FGF6: variants seen among roughly 807,000 people sequenced by gnomAD.
FGF6 encodes the protein fibroblast growth factor 6, also known as FGF-6.
In FGF6, 14 loss-of-function variants were observed where a neutral mutation model predicts 18.4. The observed-to-expected ratio is 0.76, with a 90% CI of 0.50 to 1.19. FGF6 has a LOEUF of 1.19. Ranked by LOEUF, FGF6 falls within the 50% of genes most tolerant of loss-of-function variation. The probability of loss-of-function intolerance (pLI) is 0.00; values close to 1 mark genes in which losing one functional copy is unlikely to be tolerated. For synonymous variants in FGF6, 125 were observed against 116.7 expected (o/e 1.07, Z -0.46); for missense variants, 266 against 271.6 (o/e 0.98, Z 0.15).
intron 2 of FGF6, among the ~76,000 whole-genome samples, chr12:4,441,161 G>C (rs1391927308): frequency 6.6e-6 from 1 of 152,204 alleles, no homozygotes; most frequent in Non-Finnish European, 1.5e-5. Context: ...GGAGATCCTT[G>C]ATATTTTGTT....
At chr12:4,440,094 G>T (rs951014511) in intron 2 of FGF6, among the ~76,000 whole-genome samples, 1 of 152,178 alleles carries the variant, frequency 6.6e-6, no homozygotes, top group Non-Finnish European at 1.5e-5. Context: ...TGAACGCCAT[G>T]TTCATAAAAG....
intron 1 of FGF6, 68 bp from the exon 2 acceptor site, chr12:4,444,304 A>G (rs1865730354): frequency 4.0e-6 from 4 of 998,770 alleles, no homozygotes; most frequent in Non-Finnish European, 6.3e-6. Context: ...TGAGCCGACA[A>G]GGGCATCTCA....
At chr12:4,444,280 T>G in intron 1 of FGF6, 44 bp from the exon 2 acceptor site, 1 of 1,374,424 alleles carries the variant, frequency 7.3e-7, no homozygotes, top group Non-Finnish European at 1.0e-6. Flanking sequence ...CTTGTGCAAA[T>G]CAGAGTGGGA....
Position 4,445,354 on chromosome 12 carries a change from T to A in FGF6, c.217A>T (p.Asn73Tyr). 1.9e-6 allele frequency: 3 copies of A among 1,614,018 alleles called. No individual in the cohort carries two copies. The highest frequency in any genetic ancestry group is 2.5e-6 in the Non-Finnish European group (3 of 1,180,018). Reference sequence around the variant, plus strand: ...CCCACCAAATAGCCACTTTCCCAGTTCACCCCGGCAATCTCTCCAGCTAGC... The same window carrying A: ...CCCACCAAATAGCCACTTTCCCAGTACACCCCGGCAATCTCTCCAGCTAGC... ...AGLAGEIAGV[N>Y]WESGYLVGIK... Residue 73 changes from asparagine (N) to tyrosine (Y), a missense_variant, in exon 1 of 3, where the codon AAC (asparagine) becomes TAC (tyrosine). Coordinates refer to ENST00000228837, the MANE Select transcript of FGF6 (RefSeq NM_020996.3). This position sits in a 1 kb window ranked among gnomAD's most constrained non-coding sequence, Gnocchi z 5.5.
chr12:4,445,695 G>T lies in FGF6; in HGVS notation c.-125C>A. On this transcript the variant is annotated 5_prime_UTR_variant, in exon 1 of 3. It introduces an in-frame stop codon into an upstream open reading frame of the 5' UTR. Transcript: ENST00000228837. This position sits in a 1 kb window ranked among gnomAD's most constrained non-coding sequence, Gnocchi z 5.5. The stretch of plus-strand genomic sequence containing the variant: ...GAAGGCAGATGAAGGCTGCTGACAT[G>T]AAACCAAAGCCTCCATCGGGCACTC... 1.3e-6 allele frequency: 1 copy of T among 793,522 alleles called. No homozygotes were observed. Among genetic ancestry groups the T allele is most frequent in the Non-Finnish European group, 1.9e-6 (1 of 513,256 alleles). The allele number at this position is 793,522 out of a possible 1,614,324, so 49.2% of individuals were successfully genotyped here. A position where few individuals can be genotyped will look rare whatever the true frequency, so the allele number is the denominator to read the frequency against.
intron 2 of FGF6, among the ~76,000 whole-genome samples, chr12:4,437,778 G>T (rs1865642439): frequency 6.6e-6 from 1 of 152,052 alleles, no homozygotes. Flanking sequence ...AATAAAGTTT[G>T]ATGTGTATGA....
Position 4,445,774 on chromosome 12 carries a change from C to T in FGF6, c.-204G>A, listed in dbSNP as rs536035491. ...GCCGCGGCCGGTAGAGACCATGGCT[C>T]GGGGACGCTCTCTAGCTCGCCCGCT... On this transcript the variant is annotated 5_prime_UTR_variant, in exon 1 of 3. Coordinates refer to ENST00000228837, the MANE Select transcript of FGF6 (RefSeq NM_020996.3). The surrounding 1 kb of genome is among the most constrained non-coding windows in gnomAD (Gnocchi z 5.5). 6.6e-5 allele frequency among the ~76,000 whole-genome samples: 10 copies of T among 152,258 alleles called. No homozygotes were observed. The highest frequency in any genetic ancestry group is 2.2e-4 in the African/African-American group (9 of 41,542).
chr12:4,442,183 C>G (rs564305863), intron 2 of FGF6, among the ~76,000 whole-genome samples: 1 of 152,186 alleles, frequency 6.6e-6, no homozygotes, highest in East Asian at 1.9e-4. Context: ...TGCCTAACCC[C>G]CTTTGAAGTC....
chr12:4,435,742 A>C (rs985393492), intron 2 of FGF6, among the ~76,000 whole-genome samples: 8 of 151,694 alleles, frequency 5.3e-5, no homozygotes, highest in African/African-American at 1.9e-4. Flanking sequence ...CTGTCACATG[A>C]ACACTGGACT....
At chr12:4,444,262 A>G (rs753727963) in intron 1 of FGF6, 26 bp from the exon 2 acceptor site, 4 of 1,491,362 alleles carry the variant, frequency 2.7e-6, no homozygotes, top group Admixed American at 1.7e-5. Context: ...GGGCCACATT[A>G]CCTAAGGCTT....
At chr12:4,444,516 T>C (rs1482283118) in intron 1 of FGF6, among the ~76,000 whole-genome samples, 1 of 152,232 alleles carries the variant, frequency 6.6e-6, no homozygotes, top group Non-Finnish European at 1.5e-5. Context: ...GCTTTGAATC[T>C]GGGCTTTCAG....
At position 4,442,007 on chromosome 12, in the gene FGF6, G is replaced by A. The variant is rs948245529; in HGVS notation, c.450+2126C>T. ...CAGGCCCGGCTGGCCCTGAGGTCCA[G>A]GGAGGAGAATCTCCCTCCCTGGAGA... is the stretch of plus-strand genomic sequence containing the variant. On this transcript the variant is annotated intron_variant, in intron 2 of 2. Transcript: ENST00000228837. 3.6e-4 allele frequency among the ~76,000 whole-genome samples: 54 copies of A among 152,094 alleles called. 1 individual carries two copies. Among genetic ancestry groups the A allele is most frequent in the African/African-American group, 1.3e-3 (53 of 41,502 alleles).
rs756102466 is a variant in FGF6 at position 4,445,498 on chromosome 12, G to C, written c.73C>G (p.Leu25Val). The change falls in exon 1 of 3, where the codon CTC (leucine) becomes GTC (valine). Residue 25 changes from leucine to valine, a missense_variant. Physicochemically the swap from Leu to Val is conservative, Grantham distance 32 (BLOSUM62 1). Coordinates refer to ENST00000228837, the MANE Select transcript of FGF6 (RefSeq NM_020996.3). The surrounding 1 kb of genome is among the most constrained non-coding windows in gnomAD (Gnocchi z 5.5). ...AGRLQGTLWA[L>V]VFLGILVGMV... ...CCCACTAGGATGCCTAGGAAGACGA[G>C]AGCCCACAGCGTGCCCTGCAGACGT... 2 of 1,613,080 alleles carry C rather than the reference G, an allele frequency of 1.2e-6. No individual in the cohort carries two copies. Among genetic ancestry groups the C allele is most frequent in the Non-Finnish European group, 1.7e-6 (2 of 1,179,970 alleles).
rs1475187723 is a variant in FGF6 at position 4,445,078 on chromosome 12, A to G, written c.346+147T>C. On this transcript the variant is annotated intron_variant, in intron 1 of 2. Coordinates refer to ENST00000228837, the MANE Select transcript of FGF6 (RefSeq NM_020996.3). The surrounding 1 kb of genome is among the most constrained non-coding windows in gnomAD (Gnocchi z 5.5). ...CAGTATATTGAGCTTGCACCCAGGC[A>G]GGGTCACGTGGAATCATCTAAGTGG... 3 of 708,784 alleles carry G rather than the reference A, an allele frequency of 4.2e-6. No individual in the cohort carries two copies. The highest frequency in any genetic ancestry group is 5.5e-5 in the Admixed American group (2 of 36,114). 43.9% of individuals were successfully genotyped at this position (708,784 alleles called of 1,614,324 possible).
intron 2 of FGF6, among the ~76,000 whole-genome samples, chr12:4,434,666 G>C (rs796462022): frequency 6.6e-6 from 1 of 152,064 alleles, no homozygotes; most frequent in South Asian, 2.1e-4. Flanking sequence ...TGCCACATGG[G>C]GTAGAGCTGA....
At chr12:4,443,650 C>T (rs991684751) in intron 2 of FGF6, among the ~76,000 whole-genome samples, 1 of 152,194 alleles carries the variant, frequency 6.6e-6, no homozygotes, top group Non-Finnish European at 1.5e-5. Flanking sequence ...ATTGAAAACC[C>T]TAGTGCAGAA....
chr12:4,438,922 C>T (rs1865655137), intron 2 of FGF6, among the ~76,000 whole-genome samples: 1 of 152,000 alleles, frequency 6.6e-6, no homozygotes, highest in South Asian at 2.1e-4. Flanking sequence ...AAAGTGTTGG[C>T]ATAGTACGCT....
rs775052841 is a variant in FGF6, at chr12:4,445,462, G to A, written c.109C>T (p.Pro37Ser). 6 of 1,613,220 alleles carry A rather than the reference G, an allele frequency of 3.7e-6. No individual in the cohort carries two copies. Among genetic ancestry groups the A allele is most frequent in the Non-Finnish European group, 5.1e-6 (6 of 1,180,000 alleles). ...TTGGCACGGGTGCCTGCAGGCGAGG[G>A]CACCACCATGCCCACTAGGATGCCT... ...FLGILVGMVV[P>S]SPAGTRANNT... The change falls in exon 1 of 3, where the codon CCC (proline) becomes TCC (serine). Residue 37 changes from proline to serine, a missense_variant. By Grantham distance (74) the Pro-to-Ser change is moderately conservative. Coordinates refer to ENST00000228837, the MANE Select transcript of FGF6 (RefSeq NM_020996.3). This position sits in a 1 kb window ranked among gnomAD's most constrained non-coding sequence, Gnocchi z 5.5.
chr12:4,437,493 T>C (rs1865640161), intron 2 of FGF6, among the ~76,000 whole-genome samples: 2 of 152,196 alleles, frequency 1.3e-5, no homozygotes, highest in Admixed American at 1.3e-4. Context: ...TTTCCTGCCC[T>C]GTGCACAGGA....
Sources: allele counts gnomAD v4.1 joint callset (sites outside exome capture counted in the v4.1 genomes callset), GRCh38; gene constraint gnomAD v4.1.1; non-coding constraint Gnocchi (gnomAD v3.1); transcripts MANE v1.5; gene names NCBI Gene and HGNC (gene_info 2026-07-23, HGNC 2026-07-21).